The following VIT variants were observed in gnomAD, a reference collection of about 807,000 sequenced individuals.
The protein encoded by VIT is vitrin.
Under a neutral mutation model 78.0 loss-of-function variants are expected in VIT, and 99 were observed. That is an observed-to-expected ratio of 1.27 (90% CI 1.08 to 1.50). The LOEUF (loss-of-function observed/expected upper bound fraction) is 1.50. VIT is among the 40% of genes most tolerant of loss of function. The pLI is 0.00. For missense variants in VIT, 1,126 were observed against 875.3 expected (o/e 1.29, Z -3.61); for synonymous variants, 374 against 334.3 (o/e 1.12, Z -1.29).
rs1427766330 is a variant in VIT at position 36,814,407 on chromosome 2, C to T, written c.*46C>T. 1.9e-6 allele frequency: 3 copies of T among 1,604,298 alleles called. No homozygotes were observed. The highest frequency in any genetic ancestry group is 2.2e-5 in the East Asian group (1 of 44,744). ...CAGCAAGTGCTGCTTTACTAACTGA[C>T]GTGTTGGACCACCCCACCGCTTAAT... On this transcript the variant is annotated 3_prime_UTR_variant, in exon 16 of 16. Coordinates refer to ENST00000379242, the MANE Select transcript of VIT (RefSeq NM_053276.4).
intron 1 of VIT, among the ~76,000 whole-genome samples, chr2:36,705,228 T>G (rs1030557483): frequency 2.0e-5 from 3 of 152,172 alleles, no homozygotes; most frequent in African/African-American, 7.2e-5. Flanking sequence ...CTAGCCTCTT[T>G]CCTTTAGATT....
intron 12 of VIT, among the ~76,000 whole-genome samples, chr2:36,796,317 G>A (rs905085623): frequency 2.0e-5 from 3 of 152,150 alleles, no homozygotes; most frequent in Non-Finnish European, 4.4e-5. Context: ...GTAAAACAAG[G>A]TTATATATTG....
At chr2:36,733,187 C>T (rs1265843557) in intron 3 of VIT, among the ~76,000 whole-genome samples, 4 of 152,250 alleles carry the variant, frequency 2.6e-5, no homozygotes, top group South Asian at 4.1e-4. Context: ...TTGGGCAGGA[C>T]GTGGGGTAGC....
chr2:36,751,232 C>A (rs1415116979), intron 4 of VIT, among the ~76,000 whole-genome samples: 1 of 152,152 alleles, frequency 6.6e-6, no homozygotes, highest in South Asian at 2.1e-4. Context: ...CCCATCTCTA[C>A]TAAAAATATG....
intron 12 of VIT, among the ~76,000 whole-genome samples, chr2:36,800,233 T>C (rs1236404428): frequency 6.6e-6 from 1 of 152,038 alleles, no homozygotes; most frequent in Non-Finnish European, 1.5e-5. Flanking sequence ...TAATCCCAGC[T>C]ACTCGGGAGG....
intron 2 of VIT, among the ~76,000 whole-genome samples, chr2:36,724,291 T>C (rs1415882791): frequency 6.6e-6 from 1 of 152,172 alleles, no homozygotes; most frequent in East Asian, 1.9e-4. Flanking sequence ...ATGATTGCCT[T>C]GGAATTTGGG....
intron 4 of VIT, 34 bp from the exon 5 acceptor site, chr2:36,754,887 T>C (rs370998749): frequency 6.9e-6 from 11 of 1,600,884 alleles, no homozygotes; most frequent in South Asian, 1.1e-5. Context: ...AATATTTCTG[T>C]TCTTTCCTGA....
intron 12 of VIT, among the ~76,000 whole-genome samples, chr2:36,791,401 A>T (rs988083294): frequency 3.3e-5 from 5 of 152,194 alleles, no homozygotes; most frequent in African/African-American, 9.6e-5. Flanking sequence ...ATGTTAGGCA[A>T]AATAATGACC....
At chr2:36,781,955 C>T (rs79979999) in intron 10 of VIT, among the ~76,000 whole-genome samples, 184 bp downstream of exon 10, 1,580 of 152,092 alleles carry the variant, frequency 0.01, 21 homozygotes, top group African/African-American at 0.036. Context: ...CTAGGGAGGC[C>T]TGGGGTAAGG....
chr2:36,735,415 T>G (rs1403491122), intron 3 of VIT, among the ~76,000 whole-genome samples: 1 of 152,222 alleles, frequency 6.6e-6, no homozygotes, highest in Non-Finnish European at 1.5e-5. Flanking sequence ...AAACTGCCAA[T>G]TGCTGGGGTA....
chr2:36,763,633 A>G (rs1230450864), intron 6 of VIT, among the ~76,000 whole-genome samples: 2 of 131,172 alleles, frequency 1.5e-5, no homozygotes, highest in Admixed American at 1.8e-4. Flanking sequence ...CTTGTTGCCC[A>G]GACTGGAGTG....
Position 36,707,457 on chromosome 2 carries a change from G to A in VIT, c.-18-8896G>A, listed in dbSNP as rs547545134. ...TTCCATTCTGCCTGTTACAACCCAG[G>A]ACACAGCCCACCTGGACTAGTAACT... is the stretch of plus-strand genomic sequence containing the variant. On this transcript the variant is annotated intron_variant, in intron 1 of 15. Transcript: ENST00000379242. Among the ~76,000 whole-genome samples the A allele has an allele frequency of 2.6e-5, 4 of 152,270 alleles. No individual in the cohort carries two copies. In the South Asian group the frequency reaches 8.3e-4, roughly 32 times the overall value.
chr2:36,795,106 G>A (rs1256211572), intron 12 of VIT, among the ~76,000 whole-genome samples: 3 of 152,142 alleles, frequency 2.0e-5, no homozygotes, highest in African/African-American at 7.2e-5. Context: ...ACTAGGGATT[G>A]GAAGCTAGGA....
At chr2:36,747,525 C>T (rs968181931) in intron 4 of VIT, among the ~76,000 whole-genome samples, 4 of 152,182 alleles carry the variant, frequency 2.6e-5, no homozygotes, top group African/African-American at 9.7e-5. Flanking sequence ...TTGAATTGAA[C>T]TCTTTATCAT....
rs536925263 is a variant in VIT, at chr2:36,785,215, C to T, written c.910+1813C>T. Among the ~76,000 whole-genome samples the T allele has an allele frequency of 4.6e-5, 7 of 152,310 alleles. No individual in the cohort carries two copies. The South Asian group carries it at 1.4e-3, about 32-fold the overall frequency. On this transcript the variant is annotated intron_variant, in intron 11 of 15. Transcript: ENST00000379242. ...GCTGACATCTGGAAGGGAAACTCCA[C>T]CTCAGGATTACTTCTCCAACTTTAC...
At chr2:36,750,591 G>A (rs1342937788) in intron 4 of VIT, among the ~76,000 whole-genome samples, 2 of 152,142 alleles carry the variant, frequency 1.3e-5, no homozygotes, top group Non-Finnish European at 2.9e-5. Context: ...GGGAGGCCAA[G>A]ATGGGCGTAT....
At chr2:36,727,254 T>C (rs531532293) in intron 2 of VIT, among the ~76,000 whole-genome samples, 1 of 152,220 alleles carries the variant, frequency 6.6e-6, no homozygotes, top group South Asian at 2.1e-4. Flanking sequence ...TTTTTTATGT[T>C]CCCTGCATTC....
intron 1 of VIT, among the ~76,000 whole-genome samples, chr2:36,697,521 G>A (rs944919298): frequency 5.9e-5 from 9 of 152,178 alleles, no homozygotes; most frequent in African/African-American, 1.9e-4. Flanking sequence ...TACACTTAAA[G>A]TGTTTTCTTA....
chr2:36,767,478 C>T (rs113682106), intron 7 of VIT, among the ~76,000 whole-genome samples, 193 bp downstream of exon 7: 1 of 152,208 alleles, frequency 6.6e-6, no homozygotes, highest in African/African-American at 2.4e-5. Context: ...ACTGCTGTCA[C>T]CGTACTTCTG....
Sources: gnomAD v4.1 joint callset for allele counts (sites outside exome capture counted in the v4.1 genomes callset) on GRCh38, gnomAD v4.1.1 for gene constraint, MANE v1.5 for transcripts, NCBI Gene and HGNC (gene_info 2026-07-23, HGNC 2026-07-21) for gene names.